Variants in CDH13 observed in about 807,000 individuals in gnomAD.
The protein encoded by CDH13 is cadherin-13.
CDH13 carries 24 observed loss-of-function variants against 63.8 expected under a neutral mutation model. The observed-to-expected ratio is 0.38, with a 90% CI of 0.27 to 0.53. The LOEUF (loss-of-function observed/expected upper bound fraction) is 0.53, where lower values mean the gene tolerates loss of function less well. Ranked by LOEUF, CDH13 falls within the 20% of genes least tolerant of loss-of-function variation. The pLI, the probability that CDH13 is intolerant of heterozygous loss-of-function variation, is 0.85. For missense variants in CDH13, 1,049 were observed against 903.1 expected (o/e 1.16, Z -2.07); for synonymous variants, 503 against 355.3 (o/e 1.42, Z -4.67).
chr16:83,767,739 C>G (rs920005554), intron 11 of CDH13, among the ~76,000 whole-genome samples: 2 of 152,104 alleles, frequency 1.3e-5, no homozygotes, highest in African/African-American at 4.8e-5. Context: ...GTGAAAGAAT[C>G]CAGACCCAAA....
chr16:83,252,103 A>G (rs918776348), intron 5 of CDH13, among the ~76,000 whole-genome samples: 4 of 20,568 alleles, frequency 1.9e-4, no homozygotes, highest in Admixed American at 1.3e-3. Context: ...GTATATATAT[A>G]TTATACACAC....
At chr16:82,666,687 T>G (rs780664038) in intron 1 of CDH13, among the ~76,000 whole-genome samples, 2 of 152,250 alleles carry the variant, frequency 1.3e-5, no homozygotes, top group African/African-American at 2.4e-5. Context: ...ACATCTTTCT[T>G]ATTTGTGGTG....
intron 8 of CDH13, among the ~76,000 whole-genome samples, chr16:83,636,608 T>A (rs997950761): frequency 2.2e-4 from 33 of 152,190 alleles, no homozygotes; most frequent in African/African-American, 7.7e-4. Context: ...AGGACATGAT[T>A]TCATTATTTT....
chr16:83,142,169 T>G (rs553131425), intron 4 of CDH13, among the ~76,000 whole-genome samples: 40 of 149,780 alleles, frequency 2.7e-4, no homozygotes, highest in African/African-American at 8.9e-4. Context: ...TGTTTTTTTT[T>G]TTTTTTTTTT....
chr16:83,775,553 C>T (rs550137331), intron 11 of CDH13, among the ~76,000 whole-genome samples: 3 of 152,204 alleles, frequency 2.0e-5, no homozygotes, highest in African/African-American at 7.2e-5. Context: ...CAGAAGGGAG[C>T]TGCAAAGAGG....
intron 7 of CDH13, among the ~76,000 whole-genome samples, chr16:83,548,490 G>C (rs556455077): frequency 1.3e-5 from 2 of 152,340 alleles, no homozygotes; most frequent in East Asian, 1.9e-4. Flanking sequence ...CCTGGCTTCA[G>C]ATGTAGAAAC....
chr16:82,992,499 G>T (rs952860621), intron 2 of CDH13, among the ~76,000 whole-genome samples: 12 of 152,128 alleles, frequency 7.9e-5, no homozygotes, highest in African/African-American at 2.7e-4. Context: ...GCAGGGTGGG[G>T]ATAGAATTCA....
chr16:82,797,858 G>T (rs1397871021), intron 1 of CDH13, among the ~76,000 whole-genome samples: 1 of 150,134 alleles, frequency 6.7e-6, no homozygotes, highest in African/African-American at 2.5e-5. Flanking sequence ...GATTTCTTTA[G>T]ATCTGATGCT....
chr16:83,262,700 G>C (rs1469052491), intron 5 of CDH13, among the ~76,000 whole-genome samples: 1 of 152,170 alleles, frequency 6.6e-6, no homozygotes, highest in Non-Finnish European at 1.5e-5. Context: ...AAGGGAAAGG[G>C]TTTCCTTAAA....
chr16:83,131,192 C>A (rs372490443), intron 4 of CDH13, among the ~76,000 whole-genome samples: 10 of 109,268 alleles, frequency 9.2e-5, no homozygotes, highest in Non-Finnish European at 1.6e-4. Context: ...ACCCCCCCCC[C>A]CCCCCCCCCG....
At chr16:83,373,480 C>T (rs1445136172) in intron 6 of CDH13, among the ~76,000 whole-genome samples, 2 of 151,966 alleles carry the variant, frequency 1.3e-5, no homozygotes, top group Non-Finnish European at 2.9e-5. Flanking sequence ...TGTACGAAGA[C>T]CTGAAAGAGT....
At chr16:83,116,891 G>C (rs750689759) in intron 3 of CDH13, among the ~76,000 whole-genome samples, 32 of 152,210 alleles carry the variant, frequency 2.1e-4, no homozygotes, top group Non-Finnish European at 3.8e-4. Flanking sequence ...TGTGGGAGGA[G>C]CCTGAGTGTT....
intron 6 of CDH13, among the ~76,000 whole-genome samples, chr16:83,402,117 G>A (rs2091977724): frequency 6.6e-6 from 1 of 152,094 alleles, no homozygotes; most frequent in Non-Finnish European, 1.5e-5. Flanking sequence ...TTGTATCCAG[G>A]AGGTTACCTT....
Position 82,671,388 on chromosome 16 carries a change from A to G in CDH13, c.45+44251A>G, listed in dbSNP as rs75060124. ...GTACCTTGGTCATGTAAGCCAATCAACAAGACTTGTTCTTTTCCTGATGTT... is the reference window on the plus strand; with the variant it reads ...GTACCTTGGTCATGTAAGCCAATCAGCAAGACTTGTTCTTTTCCTGATGTT... On this transcript the variant is annotated intron_variant, in intron 1 of 13. Coordinates refer to ENST00000567109, the MANE Select transcript of CDH13 (RefSeq NM_001257.5). 1.7e-3 allele frequency among the ~76,000 whole-genome samples: 263 copies of G among 152,350 alleles called. 1 individual carries two copies. The highest frequency in any genetic ancestry group is 5.7e-3 in the African/African-American group (239 of 41,588).
intron 4 of CDH13, among the ~76,000 whole-genome samples, chr16:83,211,184 A>T (rs1039970573): frequency 6.6e-6 from 1 of 152,048 alleles, no homozygotes; most frequent in Non-Finnish European, 1.5e-5. Flanking sequence ...AAACTGATGA[A>T]ATCTGAATAC....
intron 1 of CDH13, among the ~76,000 whole-genome samples, chr16:82,818,655 A>G (rs1451233920): frequency 6.6e-6 from 1 of 152,092 alleles, no homozygotes; most frequent in African/African-American, 2.4e-5. Flanking sequence ...GGCCCACTGT[A>G]CCTTTGGCTT....
intron 4 of CDH13, among the ~76,000 whole-genome samples, chr16:83,194,509 C>A (rs1418331280): frequency 1.3e-5 from 2 of 152,198 alleles, no homozygotes; most frequent in Non-Finnish European, 1.5e-5. Flanking sequence ...ACTGATTATT[C>A]TACCAGGCAG....
intron 2 of CDH13, among the ~76,000 whole-genome samples, chr16:82,949,262 A>G (rs751609617): frequency 3.3e-5 from 5 of 152,182 alleles, no homozygotes; most frequent in Non-Finnish European, 7.4e-5. Flanking sequence ...TGGCAGCCCC[A>G]GGTGTTCCTT....
rs1306957325 is a variant in CDH13 at position 83,620,376 on chromosome 16, C to T, written c.1101+17782C>T. Among the ~76,000 whole-genome samples the T allele has an allele frequency of 8.2e-5, 10 of 121,716 alleles. No homozygotes were observed. The Admixed American group carries it at 8.8e-4, about 11-fold the overall frequency. The allele number at this position is 121,716 out of a possible 152,430, so 79.9% of individuals were successfully genotyped here. ...ACTGCACTACAACCTGTCGACAGAG[C>T]GAGACTCCGTCTCAAAAAAAAAAAA... On this transcript the variant is annotated intron_variant, in intron 8 of 13. Transcript: ENST00000567109.
Sources: gnomAD v4.1 joint callset for allele counts (sites outside exome capture counted in the v4.1 genomes callset) on GRCh38, gnomAD v4.1.1 for gene constraint, MANE v1.5 for transcripts, NCBI Gene and HGNC (gene_info 2026-07-23, HGNC 2026-07-21) for gene names.